PUDP: variants seen among roughly 807,000 people sequenced by gnomAD.
PUDP encodes the protein pseudouridine 5'-phosphatase.
In PUDP, 8 loss-of-function variants were observed where a neutral mutation model predicts 9.4. The observed-to-expected ratio is 0.85, with a 90% confidence interval of 0.50 to 1.53. PUDP has a LOEUF of 1.53. Ranked by LOEUF, PUDP falls within the 40% of genes most tolerant of loss-of-function variation. PUDP has a pLI of 0.00. For synonymous variants in PUDP, 99 were observed against 80.7 expected (o/e 1.23, Z -1.22); for missense variants, 188 against 189.7 (o/e 0.99, Z 0.05).
intron 1 of PUDP, among the ~76,000 whole-genome samples, chrX:6,718,901 G>A (rs374413653): frequency 2.2e-4 from 24 of 111,324 alleles, no homozygotes; most frequent in African/African-American, 7.5e-4. Flanking sequence ...GAGAGCAACC[G>A]CTAGCTGACA....
chrX:6,989,280 C>G (rs1355448485), intron 1 of PUDP: 1 of 111,321 alleles, frequency 9.0e-6, no homozygotes, highest in African/African-American at 3.3e-5. Flanking sequence ...AATGTTACAG[C>G]ACCTGCCTCA....
At chrX:7,061,445 T>C (rs932000117) in intron 3 of PUDP, among the ~76,000 whole-genome samples, 4 of 111,527 alleles carry the variant, frequency 3.6e-5, no homozygotes, top group Admixed American at 9.5e-5. Context: ...TTTTACTCAG[T>C]TGAACAGTTT....
At chrX:7,065,403 A>G (rs1247566438) in intron 3 of PUDP, among the ~76,000 whole-genome samples, 1 of 112,017 alleles carries the variant, frequency 8.9e-6, no homozygotes, top group East Asian at 2.8e-4. Flanking sequence ...TTACATGTTA[A>G]TATTTGATTG....
At chrX:7,010,467 A>C (rs1929461657) in intron 1 of PUDP, among the ~76,000 whole-genome samples, 1 of 111,841 alleles carries the variant, frequency 8.9e-6, no homozygotes, top group South Asian at 3.8e-4. Flanking sequence ...AGCCCCTTTA[A>C]AAGTCTTAAA....
intron 2 of PUDP, among the ~76,000 whole-genome samples, chrX:7,080,309 G>C (rs1386369074): frequency 1.1e-4 from 12 of 112,231 alleles, no homozygotes; most frequent in African/African-American, 3.9e-4. Context: ...GCCTATGAAA[G>C]GAATTGAATT....
chrX:6,916,227 CACACACACACACACACA>C (rs1927928441), intron 3 of PUDP, among the ~76,000 whole-genome samples: 1 of 105,332 alleles, frequency 9.5e-6, no homozygotes, highest in African/African-American at 3.5e-5. Context: ...CACACACACA[CACACACACACACACACA>C]CACACCCTGG....
chrX:7,122,043 C>T (rs1216423804), intron 1 of PUDP, among the ~76,000 whole-genome samples: 1 of 111,131 alleles, frequency 9.0e-6, no homozygotes, highest in African/African-American at 3.3e-5. Context: ...TAAAAATTAG[C>T]TGGGTGTGGT....
intron 3 of PUDP, among the ~76,000 whole-genome samples, chrX:6,849,264 T>C (rs1926794088): frequency 8.9e-6 from 1 of 112,377 alleles, no homozygotes; most frequent in Admixed American, 9.4e-5. Flanking sequence ...CGAGCAAGTG[T>C]CTCAGGGTTC....
intron 1 of PUDP, among the ~76,000 whole-genome samples, chrX:6,982,062 G>A (rs747572727): frequency 0.01 from 474 of 46,576 alleles, 3 homozygotes; most frequent in African/African-American, 0.028. Flanking sequence ...ATACACACAC[G>A]CACATACCCA....
At chrX:7,097,071 C>T (rs1395927053) in intron 2 of PUDP, among the ~76,000 whole-genome samples, 1 of 111,677 alleles carries the variant, frequency 9.0e-6, no homozygotes, top group Non-Finnish European at 1.9e-5. Context: ...TCCGTCTGGA[C>T]ACCTCATGGC....
intron 3 of PUDP, among the ~76,000 whole-genome samples, chrX:6,760,716 T>G (rs1925220208): frequency 8.9e-6 from 1 of 112,360 alleles, no homozygotes; most frequent in African/African-American, 3.2e-5. Context: ...TCTTTTTTCT[T>G]CTTAAACTTA....
rs143232308 is a variant in PUDP at position 6,812,892 on chromosome X, G to T, written c.*248-106426C>A. 8.0e-3 allele frequency among the ~76,000 whole-genome samples: 892 copies of T among 111,787 alleles called. 8 individuals carry two copies. The highest frequency in any genetic ancestry group is 0.027 in the African/African-American group (843 of 30,807). On this transcript the variant is annotated intron_variant and NMD_transcript_variant, in intron 3 of 3. Coordinates refer to the PUDP transcript ENST00000655425. ...GAGGATCACTTGAGCTCAGGAATTC[G>T]AGACCTGCCTGGGCAACATAGCAAG...
intron 3 of PUDP, among the ~76,000 whole-genome samples, chrX:6,821,581 C>T (rs192506771): frequency 9.0e-6 from 1 of 111,576 alleles, no homozygotes; most frequent in Admixed American, 9.5e-5. Context: ...CAAAGCAGGC[C>T]CTAATGATAC....
chrX:6,968,866 C>G (rs745568287), intron 3 of PUDP, among the ~76,000 whole-genome samples: 1 of 111,768 alleles, frequency 8.9e-6, no homozygotes, highest in South Asian at 3.7e-4. Context: ...ATGATCTGCC[C>G]GCCTCGGCCT....
chrX:7,027,818 A>ACTATAT (rs1225165671), intron 1 of PUDP, among the ~76,000 whole-genome samples: 253 of 685 alleles, frequency 0.37, 7 homozygotes, highest in Admixed American at 0.46. Context: ...CTATATATAG[A>ACTATAT]CTATAGAATA....
At chrX:6,756,813 G>C (rs1337979577) in intron 3 of PUDP, among the ~76,000 whole-genome samples, 1 of 111,921 alleles carries the variant, frequency 8.9e-6, no homozygotes, top group Non-Finnish European at 1.9e-5. Flanking sequence ...CAGAAGACAT[G>C]GCAAGAAAGA....
chrX:7,001,153 C>T (rs1005485700), intron 1 of PUDP, among the ~76,000 whole-genome samples: 2 of 109,842 alleles, frequency 1.8e-5, no homozygotes, highest in African/African-American at 6.6e-5. Context: ...TATCTTAATA[C>T]TGGCAAAAAT....
intron 3 of PUDP, among the ~76,000 whole-genome samples, chrX:7,052,828 G>A (rs773367442): frequency 4.9e-4 from 55 of 111,496 alleles, no homozygotes; most frequent in South Asian, 1.5e-3. Flanking sequence ...ACAGTAGTCC[G>A]TCCCAACACC....
chrX:6,768,703 G>T (rs1569094955), intron 3 of PUDP, among the ~76,000 whole-genome samples: 1 of 112,182 alleles, frequency 8.9e-6, no homozygotes, highest in East Asian at 2.8e-4. Context: ...GAAATATCTA[G>T]ATTGCTGGAG....
Sources: allele counts gnomAD v4.1 joint callset (sites outside exome capture counted in the v4.1 genomes callset), GRCh38; gene constraint gnomAD v4.1.1; transcripts MANE v1.5; gene names NCBI Gene and HGNC (gene_info 2026-07-23, HGNC 2026-07-21).